ZNF808: variants seen among roughly 807,000 people sequenced by gnomAD.
The protein encoded by ZNF808 is zinc finger protein 808.
In ZNF808, 5 loss-of-function variants were observed where a neutral mutation model predicts 8.7. That is an observed-to-expected ratio of 0.58 (90% CI 0.30 to 1.21). The LOEUF (loss-of-function observed/expected upper bound fraction) is 1.21, where lower values mean the gene tolerates loss of function less well. ZNF808 is among the 50% of genes most tolerant of loss of function. The probability of loss-of-function intolerance (pLI) is 0.07; values close to 1 mark genes in which losing one functional copy is unlikely to be tolerated. For missense variants in ZNF808, 1,103 were observed against 1,098.4 expected (o/e 1.00, Z -0.06); for synonymous variants, 380 against 366.0 (o/e 1.04, Z -0.44).
rs761847408 is a variant in ZNF808 at position 52,553,096 on chromosome 19, A to T, written c.191-11A>T. On this transcript the variant is annotated splice_polypyrimidine_tract_variant and intron_variant, in intron 4 of 4. Coordinates refer to ENST00000359798, the MANE Select transcript of ZNF808 (RefSeq NM_001039886.4). ...CTTAATTGGAAATGTATTGGTGTTT[A>T]TATTTTGTAGATATCTCTTCCAAAC... 3 of 1,532,884 alleles carry T rather than the reference A, an allele frequency of 2.0e-6. 1 individual carries two copies. Among genetic ancestry groups the T allele is most frequent in the Middle Eastern group, 3.5e-4 (2 of 5,694 alleles). 95.0% of individuals were successfully genotyped at this position (1,532,884 alleles called of 1,614,324 possible).
At chr19:52,538,664 G>C (rs963783203) in intron 2 of ZNF808, among the ~76,000 whole-genome samples, 1 of 148,746 alleles carries the variant, frequency 6.7e-6, no homozygotes, top group Non-Finnish European at 1.5e-5. Flanking sequence ...AAACAGGAGA[G>C]GGGCATAAAA....
chr19:52,553,474 T>G lies in ZNF808; in HGVS notation c.558T>G (p.Asp186Glu). ...IANQLEKSTS[D>E]ASSVSTSQRI... ...ATCAACTTGAGAAGTCTACCAGTGA[T>G]GCTTCCTCAGTTTCAACATCCCAAA... is the stretch of plus-strand genomic sequence containing the variant. Residue 186 changes from aspartate to glutamate, a missense_variant, in exon 5 of 5, where the codon GAT becomes GAG. Physicochemically the swap from Asp to Glu is conservative, Grantham distance 45 (BLOSUM62 2). Transcript: ENST00000359798. 6.2e-7 allele frequency: 1 copy of G among 1,614,212 alleles called. No individual in the cohort carries two copies. Among genetic ancestry groups the G allele is most frequent in the Non-Finnish European group, 8.5e-7 (1 of 1,180,030 alleles).
intron 4 of ZNF808, among the ~76,000 whole-genome samples, chr19:52,551,011 A>G (rs1257845697): frequency 1.3e-5 from 2 of 152,084 alleles, no homozygotes; most frequent in Non-Finnish European, 2.9e-5. Context: ...GCTTGAGGTC[A>G]GGAGTTTGAG....
intron 1 of ZNF808, among the ~76,000 whole-genome samples, chr19:52,529,687 G>A (rs971338918): frequency 6.6e-6 from 1 of 151,938 alleles, no homozygotes; most frequent in African/African-American, 2.4e-5. Context: ...TGGGAAAAAA[G>A]TCGCTGTCTG....
chr19:52,549,774 A>G (rs1273983008), intron 4 of ZNF808, among the ~76,000 whole-genome samples: 4 of 152,020 alleles, frequency 2.6e-5, no homozygotes, highest in Non-Finnish European at 5.9e-5. Flanking sequence ...TTTCCAGCCT[A>G]TTGATTTTGT....
At position 52,553,320 on chromosome 19, in the gene ZNF808, T is replaced by C; in HGVS notation, c.404T>C (p.Leu135Ser). 1 of 1,613,712 alleles carries C rather than the reference T, an allele frequency of 6.2e-7. No individual in the cohort carries two copies. Among genetic ancestry groups the C allele is most frequent in the Non-Finnish European group, 8.5e-7 (1 of 1,179,848 alleles). The change falls in exon 5 of 5, where the codon TTG becomes TCG. Residue 135 changes from leucine (L) to serine (S), a missense_variant. Physicochemically the swap from Leu to Ser is moderately radical, Grantham distance 145. Coordinates refer to ENST00000359798, the MANE Select transcript of ZNF808 (RefSeq NM_001039886.4). The part of the protein sequence containing the change: ...HEAPTTKIKK[L>S]TGSTDQHDHR... ...GCACCCACGACAAAAATAAAAAAGT[T>C]GACTGGTAGCACAGACCAACATGAT... is the stretch of plus-strand genomic sequence containing the variant.
downstream of ZNF808, chr19:52,556,347 A>T (rs749537342): frequency 2.8e-4 from 46 of 165,510 alleles, no homozygotes; most frequent in Non-Finnish European, 5.6e-4. Context: ...TTATTTTGAG[A>T]TGGAGTGTCA....
intron 2 of ZNF808, among the ~76,000 whole-genome samples, chr19:52,533,652 C>T (rs973504719): frequency 5.9e-5 from 9 of 151,386 alleles, no homozygotes; most frequent in Non-Finnish European, 1.2e-4. Flanking sequence ...GTCAGGAGTT[C>T]GACACCGCCT....
chr19:52,538,318 G>A lies in ZNF808; in HGVS notation c.-19-4948G>A, dbSNP rs687052. 6.4e-5 allele frequency among the ~76,000 whole-genome samples: 8 copies of A among 125,310 alleles called. No individual in the cohort carries two copies. The South Asian group carries it at 1.0e-3, about 16-fold the overall frequency. The allele number at this position is 125,310 out of a possible 152,430, so 82.2% of individuals were successfully genotyped here. On this transcript the variant is annotated intron_variant, in intron 2 of 4. Coordinates refer to ENST00000359798, the MANE Select transcript of ZNF808 (RefSeq NM_001039886.4). Reference sequence around the variant, plus strand: ...ATTACAGGGATGAGCCACCGCGCCCGGCCTACATACTAATTATTATTATTA... The same window carrying A: ...ATTACAGGGATGAGCCACCGCGCCCAGCCTACATACTAATTATTATTATTA...
At chr19:52,535,140 G>A (rs2059593181) in intron 2 of ZNF808, among the ~76,000 whole-genome samples, 1 of 151,380 alleles carries the variant, frequency 6.6e-6, no homozygotes, top group African/African-American at 2.4e-5. Context: ...GACCATCCTG[G>A]CTAACATGGT....
intron 4 of ZNF808, among the ~76,000 whole-genome samples, chr19:52,550,228 G>C (rs2059762996): frequency 6.7e-6 from 1 of 150,314 alleles, no homozygotes; most frequent in East Asian, 2.0e-4. Context: ...CTCCAGGGTT[G>C]GTTTTTTTTT....
In ZNF808 at chr19:52,543,291, C is replaced by T. The variant is rs571730362; in HGVS notation, c.7C>T (p.Arg3Cys). ...GATTGATTTCTAAAGACTCATGTTA[C>T]GTGAGGAAGCAGCTCAGAAGAGGAA... Reference protein sequence around the residue: MLREEAAQKRKGK... With the variant: MLCEEAAQKRKGK... Residue 3 changes from arginine to cysteine, a missense_variant, in exon 3 of 5, where the codon CGT (arginine) becomes TGT (cysteine). Arg to Cys is a radical substitution (Grantham distance 180). Transcript: ENST00000359798. 111 of 1,613,378 alleles carry T rather than the reference C, an allele frequency of 6.9e-5. No homozygotes were observed. The highest frequency in any genetic ancestry group is 8.4e-5 in the Non-Finnish European group (99 of 1,179,746).
chr19:52,544,428 T>A (rs1313652636), intron 3 of ZNF808, among the ~76,000 whole-genome samples: 2 of 152,052 alleles, frequency 1.3e-5, no homozygotes, highest in Non-Finnish European at 2.9e-5. Context: ...CCTCCCAGTT[T>A]CAAGCAATTC....
At chr19:52,566,957 GTT>G (rs58981436), downstream of ZNF808, among the ~76,000 whole-genome samples, 2 of 145,734 alleles carry the variant, frequency 1.4e-5, no homozygotes, top group Admixed American at 1.4e-4. Flanking sequence ...AAGGATAGGT[GTT>G]TTTTTTTTTT....
chr19:52,549,028 A>G (rs1052268754), intron 4 of ZNF808, among the ~76,000 whole-genome samples: 1 of 151,982 alleles, frequency 6.6e-6, no homozygotes, highest in African/African-American at 2.4e-5. Context: ...GCTCAAGTGC[A>G]GTGCAGTGGT....
At chr19:52,557,003 C>T (rs1386149662), downstream of ZNF808, among the ~76,000 whole-genome samples, 2 of 152,008 alleles carry the variant, frequency 1.3e-5, no homozygotes, top group Non-Finnish European at 2.9e-5. Flanking sequence ...AATGGAGTCT[C>T]GCTCTGTCGC....
At chr19:52,542,219 G>A (rs2059677881) in intron 2 of ZNF808, among the ~76,000 whole-genome samples, 2 of 151,850 alleles carry the variant, frequency 1.3e-5, no homozygotes, top group Non-Finnish European at 2.9e-5. Context: ...TCAGACACCC[G>A]AGTAGCTGGG....
Position 52,534,723 on chromosome 19 carries a change from T to C in ZNF808, c.-20+1714T>C, listed in dbSNP as rs145069258. Reference sequence around the variant, plus strand: ...GGCCAACATGGTGAAACCCCGTCTCTACCAAAAATATGAAAGTTAGCTGGG... The same window carrying C: ...GGCCAACATGGTGAAACCCCGTCTCCACCAAAAATATGAAAGTTAGCTGGG... On this transcript the variant is annotated intron_variant, in intron 2 of 4. Coordinates refer to ENST00000359798, the MANE Select transcript of ZNF808 (RefSeq NM_001039886.4). 8.6e-3 allele frequency among the ~76,000 whole-genome samples: 1,303 copies of C among 151,990 alleles called. 20 individuals carry two copies. Among genetic ancestry groups the C allele is most frequent in the African/African-American group, 0.03 (1,228 of 41,456 alleles).
chr19:52,534,188 G>A (rs2059585166), intron 2 of ZNF808, among the ~76,000 whole-genome samples: 2 of 152,228 alleles, frequency 1.3e-5, no homozygotes, highest in Admixed American at 6.5e-5. Flanking sequence ...ACAGGCGCCT[G>A]CCACCATGCC....
Sources: allele counts gnomAD v4.1 joint callset (sites outside exome capture counted in the v4.1 genomes callset), GRCh38; gene constraint gnomAD v4.1.1; transcripts MANE v1.5; gene names NCBI Gene and HGNC (gene_info 2026-07-23, HGNC 2026-07-21).